The following SLC10A7 variants were observed in gnomAD, a reference collection of about 807,000 sequenced individuals.
SLC10A7 encodes sodium/bile acid cotransporter 7.
A neutral mutation model predicts 43.2 loss-of-function variants in SLC10A7; 29 were observed. The observed-to-expected ratio is 0.67, with a 90% CI of 0.50 to 0.92. SLC10A7 has a LOEUF of 0.92. Among genes scored for constraint, SLC10A7 ranks in the 40% least tolerant of loss-of-function variants. The pLI is 0.00. For synonymous variants in SLC10A7, 152 were observed against 144.8 expected, an observed-to-expected ratio of 1.05 and a Z score of -0.35; for missense variants, 295 against 403.2, an observed-to-expected ratio of 0.73 and a Z score of 2.30.
chr4:146,297,541 T>C (rs976783937), intron 7 of SLC10A7, among the ~76,000 whole-genome samples: 1 of 152,192 alleles, frequency 6.6e-6, no homozygotes, highest in African/African-American at 2.4e-5. Flanking sequence ...CTTTACCCTA[T>C]TCATAAATTG....
chr4:146,444,687 G>A (rs1304366362), intron 4 of SLC10A7, among the ~76,000 whole-genome samples: 2 of 152,100 alleles, frequency 1.3e-5, no homozygotes, highest in Non-Finnish European at 2.9e-5. Flanking sequence ...ACCCAAAGAC[G>A]ATGCTGCAGG....
At chr4:146,424,342 A>T (rs1729166720) in intron 5 of SLC10A7, among the ~76,000 whole-genome samples, 1 of 152,182 alleles carries the variant, frequency 6.6e-6, no homozygotes. Flanking sequence ...GTGAGCCACC[A>T]TTCTTGTCTG....
intron 6 of SLC10A7, among the ~76,000 whole-genome samples, chr4:146,306,634 T>C (rs1731595741): frequency 6.6e-6 from 1 of 152,166 alleles, no homozygotes; most frequent in Non-Finnish European, 1.5e-5. Flanking sequence ...GATTCTTTCT[T>C]CGTTAACAAT....
At chr4:146,431,829 T>C (rs907265975) in intron 5 of SLC10A7, among the ~76,000 whole-genome samples, 6 of 151,780 alleles carry the variant, frequency 4.0e-5, no homozygotes, top group Non-Finnish European at 7.4e-5. Flanking sequence ...TATTTGAAAA[T>C]TACTGTTAAG....
chr4:146,520,931 T>C (rs1057013431), intron 1 of SLC10A7, among the ~76,000 whole-genome samples: 6 of 152,318 alleles, frequency 3.9e-5, no homozygotes, highest in Middle Eastern at 3.4e-3. Flanking sequence ...TAAGTATGCT[T>C]TCAGTCCATC....
chr4:146,335,725 T>C (rs1022411733), intron 5 of SLC10A7, among the ~76,000 whole-genome samples: 6 of 152,100 alleles, frequency 3.9e-5, no homozygotes, highest in Non-Finnish European at 7.4e-5. Context: ...GATAATCATT[T>C]TGAAATGACC....
intron 5 of SLC10A7, among the ~76,000 whole-genome samples, chr4:146,439,462 C>A (rs1368029663): frequency 2.0e-5 from 3 of 151,850 alleles, no homozygotes; most frequent in Non-Finnish European, 4.4e-5. Flanking sequence ...TATATTTATA[C>A]CACAGGAATG....
intron 3 of SLC10A7, among the ~76,000 whole-genome samples, chr4:146,508,360 G>A (rs775348536): frequency 4.7e-4 from 72 of 152,112 alleles, no homozygotes; most frequent in Non-Finnish European, 9.3e-4. Context: ...CCTACACATG[G>A]CAGATATTCA....
At chr4:146,328,231 T>C (rs147710003) in intron 5 of SLC10A7, among the ~76,000 whole-genome samples, 20 of 152,316 alleles carry the variant, frequency 1.3e-4, no homozygotes, top group South Asian at 6.2e-4. Context: ...CCAGCACCCA[T>C]GTGCACCATG....
chr4:146,459,273 A>G (rs1732327787), intron 4 of SLC10A7, among the ~76,000 whole-genome samples: 1 of 151,802 alleles, frequency 6.6e-6, no homozygotes, highest in Non-Finnish European at 1.5e-5. Context: ...ACATTGATTT[A>G]TAGACTCAAT....
chr4:146,329,069 A>G (rs1407780967), intron 5 of SLC10A7, among the ~76,000 whole-genome samples: 1 of 152,206 alleles, frequency 6.6e-6, no homozygotes, highest in Non-Finnish European at 1.5e-5. Flanking sequence ...CTCCCTGAAT[A>G]CTTCTAATGG....
chr4:146,307,735 C>T (rs1731681448), intron 6 of SLC10A7, among the ~76,000 whole-genome samples: 1 of 152,132 alleles, frequency 6.6e-6, no homozygotes, highest in African/African-American at 2.4e-5. Context: ...AAGCTATAAT[C>T]TTCATGTAAA....
intron 5 of SLC10A7, among the ~76,000 whole-genome samples, chr4:146,423,217 T>C (rs548236204): frequency 6.6e-6 from 1 of 152,260 alleles, no homozygotes; most frequent in African/African-American, 2.4e-5. Flanking sequence ...AAATTCTAAG[T>C]TCTTATCAAG....
At chr4:146,299,088 C>T (rs1440841738) in intron 7 of SLC10A7, among the ~76,000 whole-genome samples, 3 of 152,226 alleles carry the variant, frequency 2.0e-5, no homozygotes, top group Non-Finnish European at 2.9e-5. Flanking sequence ...GCTCATACTT[C>T]CTGGTCTTTT....
intron 5 of SLC10A7, among the ~76,000 whole-genome samples, chr4:146,394,537 A>C (rs1424016762): frequency 6.6e-6 from 1 of 151,938 alleles, no homozygotes; most frequent in Non-Finnish European, 1.5e-5. Flanking sequence ...TAATTTTTGT[A>C]TTTTAGTAGA....
chr4:146,305,856 G>A, intron 7 of SLC10A7, 70 bp downstream of exon 7: 8 of 1,330,078 alleles, frequency 6.0e-6, no homozygotes, highest in Non-Finnish European at 8.3e-6. Flanking sequence ...TCTCTCAACT[G>A]CTCTGACATT....
chr4:146,490,977 G>T (rs1735341657), intron 4 of SLC10A7, among the ~76,000 whole-genome samples: 2 of 152,140 alleles, frequency 1.3e-5, no homozygotes, highest in African/African-American at 4.8e-5. Context: ...TTCCCACAAA[G>T]AAAACTCAAA....
chr4:146,390,256 G>A (rs745812140), intron 5 of SLC10A7, among the ~76,000 whole-genome samples: 7 of 152,156 alleles, frequency 4.6e-5, no homozygotes, highest in Admixed American at 1.3e-4. Context: ...ACAGATTGTA[G>A]TACTGTAAAG....
At chr4:146,274,739 C>T (rs1729102359) in intron 10 of SLC10A7, among the ~76,000 whole-genome samples, 1 of 152,076 alleles carries the variant, frequency 6.6e-6, no homozygotes, top group Admixed American at 6.6e-5. Flanking sequence ...AAATTAGGGT[C>T]CGGGCCTACT....
Sources: allele counts gnomAD v4.1 joint callset (sites outside exome capture counted in the v4.1 genomes callset), GRCh38; gene constraint gnomAD v4.1.1; transcripts MANE v1.5; gene names NCBI Gene and HGNC (gene_info 2026-07-23, HGNC 2026-07-21).